Variants in MTMR14 observed in about 807,000 individuals in gnomAD.
MTMR14 encodes the protein phosphatidylinositol-3,5-bisphosphate 3-phosphatase MTMR14.
Under a neutral mutation model 86.3 loss-of-function variants are expected in MTMR14, and 48 were observed. That is an observed-to-expected ratio of 0.56 (90% confidence interval 0.44 to 0.71). The LOEUF is 0.71. Among genes scored for constraint, MTMR14 ranks in the 30% least tolerant of loss-of-function variants. The pLI, the probability that MTMR14 is intolerant of heterozygous loss-of-function variation, is 0.00. For synonymous variants in MTMR14, 366 were observed against 326.1 expected (o/e 1.12, Z -1.32); for missense variants, 780 against 834.6 (o/e 0.93, Z 0.81).
At chr3:9,687,699 C>T in intron 13 of MTMR14, 122 bp from the exon 14 acceptor site, 1 of 775,580 alleles carries the variant, frequency 1.3e-6, no homozygotes, top group Non-Finnish European at 2.2e-6. Context: ...AGAACACCCA[C>T]ACAGTCCCAC....
chr3:9,699,467 G>C (rs2076386787), intron 18 of MTMR14: 1 of 152,248 alleles, frequency 6.6e-6, no homozygotes, highest in African/African-American at 2.4e-5. Context: ...GATGTGGTCA[G>C]AGTTGATTCC....
chr3:9,653,481 A>T, intron 1 of MTMR14, 140 bp from the exon 2 acceptor site: 1 of 1,038,914 alleles, frequency 9.6e-7, no homozygotes, highest in Non-Finnish European at 1.5e-6. Context: ...CCTGTGGCCT[A>T]GCATCACATC....
At chr3:9,659,708 G>A (rs1559562254) in intron 2 of MTMR14, 1 of 455,674 alleles carries the variant, frequency 2.2e-6, no homozygotes, top group Non-Finnish European at 4.4e-6. Context: ...CTCCCCAAGT[G>A]TGGGATTACA....
intron 2 of MTMR14, 64 bp downstream of exon 2, chr3:9,653,833 A>G (rs145382409): frequency 5.6e-6 from 9 of 1,607,620 alleles, no homozygotes; most frequent in Admixed American, 1.7e-5. Context: ...CCCTGTGGCC[A>G]GGAAGTCTGT....
chr3:9,691,552 C>G (rs937835297), intron 17 of MTMR14, among the ~76,000 whole-genome samples: 1 of 152,226 alleles, frequency 6.6e-6, no homozygotes, highest in Non-Finnish European at 1.5e-5. Flanking sequence ...CCTCTGGGTC[C>G]TGCCTCAGTC....
chr3:9,668,930 G>A, intron 4 of MTMR14, 136 bp downstream of exon 4: 1 of 895,668 alleles, frequency 1.1e-6, no homozygotes, highest in Admixed American at 1.9e-5. Flanking sequence ...CCGAGGTCAG[G>A]AGTTCGAGAC....
At chr3:9,651,772 C>G (rs2047311066) in intron 1 of MTMR14, among the ~76,000 whole-genome samples, 1 of 151,664 alleles carries the variant, frequency 6.6e-6, no homozygotes, top group Non-Finnish European at 1.5e-5. Context: ...TTCAAGCGAT[C>G]CTCCTGCTTC....
chr3:9,678,164 G>T (rs1575017164), intron 9 of MTMR14, 106 bp downstream of exon 9: 8 of 1,124,412 alleles, frequency 7.1e-6, no homozygotes, highest in Non-Finnish European at 1.0e-5. Context: ...TGATGGGCTG[G>T]CTTGTGCACT....
At chr3:9,672,634 T>C (rs370825591) in intron 6 of MTMR14, 51 bp from the exon 7 acceptor site, 15 of 1,442,494 alleles carry the variant, frequency 1.0e-5, no homozygotes, top group Non-Finnish European at 1.5e-5. Flanking sequence ...GAATGGTGTG[T>C]GTTTGTGTGT....
At chr3:9,678,694 G>C (rs2075662587) in intron 9 of MTMR14, among the ~76,000 whole-genome samples, 1 of 152,184 alleles carries the variant, frequency 6.6e-6, no homozygotes, top group East Asian at 1.9e-4. Flanking sequence ...TCAGGCTTTG[G>C]CTCGAGTGTC....
intron 2 of MTMR14, among the ~76,000 whole-genome samples, chr3:9,658,949 G>A (rs1181249898): frequency 6.6e-6 from 1 of 152,192 alleles, no homozygotes; most frequent in Non-Finnish European, 1.5e-5. Flanking sequence ...TAGTTACTTG[G>A]GAGGCCGAGA....
intron 3 of MTMR14, among the ~76,000 whole-genome samples, chr3:9,666,133 G>T (rs1417053797): frequency 1.3e-3 from 150 of 117,254 alleles, no homozygotes; most frequent in African/African-American, 4.0e-3. Context: ...AAGTTTGTTG[G>T]TTTTTTTTTT....
intron 3 of MTMR14, among the ~76,000 whole-genome samples, chr3:9,663,364 C>T (rs2048047360): frequency 1.3e-5 from 2 of 151,746 alleles, no homozygotes; most frequent in South Asian, 2.1e-4. Context: ...CTTTCTTCTT[C>T]AGATCAGTTT....
At chr3:9,653,249 A>T (rs2047408630) in intron 1 of MTMR14, among the ~76,000 whole-genome samples, 1 of 152,208 alleles carries the variant, frequency 6.6e-6, no homozygotes, top group African/African-American at 2.4e-5. Flanking sequence ...AATAAATAAG[A>T]GAATGGGGAA....
chr3:9,653,903 C>G lies in MTMR14; in HGVS notation c.308+134C>G. 3 of 1,281,692 alleles carry G rather than the reference C, an allele frequency of 2.3e-6. No individual in the cohort carries two copies. The South Asian group carries it at 3.6e-5, about 15-fold the overall frequency. The allele number at this position is 1,281,692 out of a possible 1,614,324, so 79.4% of individuals were successfully genotyped here. ...TAATCCTTATTGGCATTTTTATTTA[C>G]TTCAAGGTTGGACAAGTCAGACTGG... On this transcript the variant is annotated intron_variant, in intron 2 of 18. Coordinates refer to ENST00000296003, the MANE Select transcript of MTMR14 (RefSeq NM_001077525.3).
chr3:9,688,667 G>C, intron 14 of MTMR14, 29 bp from the exon 15 acceptor site: 1 of 1,614,004 alleles, frequency 6.2e-7, no homozygotes, highest in Non-Finnish European at 8.5e-7. Context: ...GATAGATCTG[G>C]AATTTACTGC....
intron 7 of MTMR14, among the ~76,000 whole-genome samples, chr3:9,675,942 T>C (rs896658800): frequency 9.2e-5 from 14 of 152,186 alleles, no homozygotes; most frequent in African/African-American, 3.4e-4. Flanking sequence ...TAAAGTGTTA[T>C]GGCTGAAGAT....
chr3:9,692,584 C>T (rs990725215), intron 17 of MTMR14, among the ~76,000 whole-genome samples: 1 of 152,218 alleles, frequency 6.6e-6, no homozygotes, highest in African/African-American at 2.4e-5. Context: ...TGCATGGCCT[C>T]GGCCTCGGCC....
At chr3:9,670,302 T>C (rs1025955886) in intron 5 of MTMR14, among the ~76,000 whole-genome samples, 3 of 152,346 alleles carry the variant, frequency 2.0e-5, no homozygotes, top group South Asian at 2.1e-4. Context: ...CAAGAATGTT[T>C]GGCTCTTCTC....
Sources: gnomAD v4.1 joint callset for allele counts (sites outside exome capture counted in the v4.1 genomes callset) on GRCh38, gnomAD v4.1.1 for gene constraint, MANE v1.5 for transcripts, NCBI Gene and HGNC (gene_info 2026-07-23, HGNC 2026-07-21) for gene names.